The following SLC5A10 variants were observed in gnomAD, a reference collection of about 807,000 sequenced individuals.
SLC5A10 encodes the protein solute carrier family 5 member 10.
In SLC5A10, 55 loss-of-function variants were observed where a neutral mutation model predicts 68.9. That is an observed-to-expected ratio of 0.80 (90% confidence interval 0.64 to 1.00). SLC5A10 has a LOEUF of 1.00. SLC5A10 is among the 50% of genes least tolerant of loss of function. The probability of loss-of-function intolerance (pLI) is 0.00; values close to 1 mark genes in which losing one functional copy is unlikely to be tolerated. For synonymous variants in SLC5A10, 344 were observed against 344.8 expected, an observed-to-expected ratio of 1.00 and a Z score of 0.02; for missense variants, 732 against 819.3, an observed-to-expected ratio of 0.89 and a Z score of 1.30.
At chr17:19,011,805 G>A (rs947069728) in intron 9 of SLC5A10, among the ~76,000 whole-genome samples, 4 of 151,492 alleles carry the variant, frequency 2.6e-5, no homozygotes, top group Non-Finnish European at 5.9e-5. Flanking sequence ...GCCAGGGTAG[G>A]GGGGACTGCC....
At chr17:19,011,356 G>A (rs899543036) in intron 9 of SLC5A10, among the ~76,000 whole-genome samples, 10 of 152,314 alleles carry the variant, frequency 6.6e-5, no homozygotes, top group Middle Eastern at 3.4e-3. Context: ...CGTCTGCAAA[G>A]GCATGGAGGC....
At position 19,014,927 on chromosome 17, in the gene SLC5A10, C is replaced by A. The variant is rs1027266182; in HGVS notation, c.1091-122C>A. ...CCTCCTCAGCTTCTCTCCCTCCCCG[C>A]CCTCTGCCTTGGAGGAGCATGCAAA... is the stretch of plus-strand genomic sequence containing the variant. On this transcript the variant is annotated intron_variant, in intron 10 of 14. Coordinates refer to ENST00000395645, the MANE Select transcript of SLC5A10 (RefSeq NM_001042450.4). 7 of 1,207,872 alleles carry A rather than the reference C, an allele frequency of 5.8e-6. No individual in the cohort carries two copies. In the African/African-American group the frequency reaches 6.1e-5, roughly 10 times the overall value. The allele number at this position is 1,207,872 out of a possible 1,614,324, so 74.8% of individuals were successfully genotyped here. A position where few individuals can be genotyped will look rare whatever the true frequency, so the allele number is the denominator to read the frequency against.
At chr17:18,956,196 A>AAAATAAATAAAT (rs71155382) in intron 1 of SLC5A10, among the ~76,000 whole-genome samples, 2 of 143,782 alleles carry the variant, frequency 1.4e-5, no homozygotes, top group East Asian at 2.0e-4. Context: ...CTCTGTCTCA[A>AAAATAAATAAAT]AAATAAATAA....
chr17:18,984,579 G>C (rs958646403), intron 9 of SLC5A10, among the ~76,000 whole-genome samples: 1 of 152,226 alleles, frequency 6.6e-6, no homozygotes, highest in Non-Finnish European at 1.5e-5. Flanking sequence ...AACGGGAAAC[G>C]GGTCTGGCCT....
chr17:18,984,746 T>C (rs1039807461), intron 9 of SLC5A10, among the ~76,000 whole-genome samples: 1 of 152,194 alleles, frequency 6.6e-6, no homozygotes, highest in African/African-American at 2.4e-5. Flanking sequence ...ACACCCAGTA[T>C]CACCCCCAAA....
At position 19,021,506 on chromosome 17, in the gene SLC5A10, C is replaced by G. The variant is rs978257417; in HGVS notation, c.*1075C>G. On this transcript the variant is annotated 3_prime_UTR_variant, in exon 15 of 15. Coordinates refer to ENST00000395645, the MANE Select transcript of SLC5A10 (RefSeq NM_001042450.4). This position sits in a 1 kb window ranked among gnomAD's most constrained non-coding sequence, Gnocchi z 4.1. ...CGAGGCTGAGCCACCTCCCAACAGC[C>G]TGAACAACTCCAGGGGCCTTTTGAG... The G allele has an allele frequency of 7.5e-6, 2 of 267,978 alleles. No homozygotes were observed. The highest frequency in any genetic ancestry group is 1.4e-5 in the Non-Finnish European group (2 of 143,090). The allele number at this position is 267,978 out of a possible 1,614,324, so 16.6% of individuals were successfully genotyped here. A position where few individuals can be genotyped will look rare whatever the true frequency, so the allele number is the denominator to read the frequency against.
Position 19,020,423 on chromosome 17 carries a change from T to C in SLC5A10, c.1783T>C (p.Phe595Leu), listed in dbSNP as rs565107962. Residue 595 changes from phenylalanine (F) to leucine (L), a missense_variant, in exon 15 of 15, where the codon TTC becomes CTC. Physicochemically the swap from Phe to Leu is conservative, Grantham distance 22. Transcript: ENST00000395645. ...TGTCAACATATTCTTTTATGCCTACTTCGCCTGACACTGCCATCCTGGACA... is the reference window on the plus strand; with the variant it reads ...TGTCAACATATTCTTTTATGCCTACCTCGCCTGACACTGCCATCCTGGACA... ...MCVNIFFYAY[F>L]A 4 of 1,613,614 alleles carry C rather than the reference T, an allele frequency of 2.5e-6. No individual in the cohort carries two copies. The African/African-American group carries it at 4.0e-5, about 16-fold the overall frequency.
chr17:19,001,540 C>T (rs2043729943), intron 9 of SLC5A10, among the ~76,000 whole-genome samples: 1 of 152,246 alleles, frequency 6.6e-6, no homozygotes, highest in Non-Finnish European at 1.5e-5. Flanking sequence ...GGCACCCAAA[C>T]TGGAGACCAG....
intron 9 of SLC5A10, among the ~76,000 whole-genome samples, chr17:19,012,960 C>A (rs2044047343): frequency 6.6e-6 from 1 of 152,162 alleles, no homozygotes; most frequent in Admixed American, 6.5e-5. Flanking sequence ...ACAGACGCGA[C>A]TTGTTGACTT....
intron 8 of SLC5A10, among the ~76,000 whole-genome samples, chr17:18,972,769 G>A (rs556773226): frequency 1.3e-5 from 2 of 152,156 alleles, no homozygotes; most frequent in African/African-American, 4.8e-5. Flanking sequence ...GGCTGAGGCA[G>A]GAGAATGGCG....
At position 18,971,323 on chromosome 17, in the gene SLC5A10, G is replaced by A. The variant is rs768324935; in HGVS notation, c.846+105G>A. ...CTCCGCGTCATGAGTCTGGGCTGGG[G>A]CCTCAGAAGGTGTGGCTCCAGGCTG... On this transcript the variant is annotated intron_variant, in intron 8 of 14. Transcript: ENST00000395645. The surrounding 1 kb of genome is among the most constrained non-coding windows in gnomAD (Gnocchi z 5.5). 5 of 1,606,676 alleles carry A rather than the reference G, an allele frequency of 3.1e-6. No homozygotes were observed. The African/African-American group carries it at 4.0e-5, about 13-fold the overall frequency.
In SLC5A10 at chr17:19,021,782, G is replaced by A. The variant is rs1428659703; in HGVS notation, c.*1351G>A. On this transcript the variant is annotated 3_prime_UTR_variant, in exon 15 of 15. Coordinates refer to ENST00000395645, the MANE Select transcript of SLC5A10 (RefSeq NM_001042450.4). This position sits in a 1 kb window ranked among gnomAD's most constrained non-coding sequence, Gnocchi z 4.1. The stretch of plus-strand genomic sequence containing the variant: ...CTACCCTTGCTGGGTACCCTTGCTG[G>A]GGGACCTGGGCCATCCCAGTTTGTG... 3 of 519,152 alleles carry A rather than the reference G, an allele frequency of 5.8e-6. No homozygotes were observed. The highest frequency in any genetic ancestry group is 9.1e-6 in the Non-Finnish European group (3 of 331,202). 32.2% of individuals were successfully genotyped at this position (519,152 alleles called of 1,614,324 possible). A position where few individuals can be genotyped will look rare whatever the true frequency, so the allele number is the denominator to read the frequency against.
At chr17:18,985,601 C>T (rs551058124) in intron 9 of SLC5A10, among the ~76,000 whole-genome samples, 1 of 152,294 alleles carries the variant, frequency 6.6e-6, no homozygotes, top group East Asian at 1.9e-4. Flanking sequence ...GGCAGGCCCT[C>T]GACAGGGGGT....
intron 9 of SLC5A10, among the ~76,000 whole-genome samples, chr17:18,999,500 C>T (rs900300091): frequency 5.9e-5 from 9 of 152,178 alleles, no homozygotes; most frequent in Admixed American, 3.3e-4. Context: ...CATCTCCGAG[C>T]CCCACCAAGC....
At chr17:18,993,280 G>A (rs1209036594) in intron 9 of SLC5A10, among the ~76,000 whole-genome samples, 2 of 152,070 alleles carry the variant, frequency 1.3e-5, no homozygotes, top group Non-Finnish European at 2.9e-5. Flanking sequence ...GCATCTGCTC[G>A]GACAACTACC....
intron 9 of SLC5A10, chr17:18,978,159 G>C: frequency 6.5e-7 from 1 of 1,531,354 alleles, no homozygotes; most frequent in Non-Finnish European, 8.8e-7. Context: ...TTGGGCACGG[G>C]GGGCAATGGC....
chr17:18,955,409 C>G (rs991529249), intron 1 of SLC5A10, among the ~76,000 whole-genome samples: 3 of 152,188 alleles, frequency 2.0e-5, no homozygotes, highest in Admixed American at 6.5e-5. Context: ...AGAGCTGTTG[C>G]GAGGACTAAG....
intron 9 of SLC5A10, among the ~76,000 whole-genome samples, chr17:19,006,440 T>C (rs979707318): frequency 1.3e-5 from 2 of 150,656 alleles, no homozygotes; most frequent in East Asian, 3.9e-4. Context: ...GGCCTCACTA[T>C]GTTGCTCAGA....
In SLC5A10 at chr17:18,959,210, G is replaced by A; in HGVS notation, c.259G>A (p.Gly87Ser). The A allele has an allele frequency of 1.2e-6, 2 of 1,613,464 alleles. No homozygotes were observed. The highest frequency in any genetic ancestry group is 1.7e-6 in the Non-Finnish European group (2 of 1,179,994). ...ACTGGCGGGCTCAGGCGCGGCAGGA[G>A]GTCTGGCCGTGGCAGGCTTCGAGTG... ...IGLAGSGAAG[G>S]LAVAGFEWNA... Residue 87 changes from glycine (G) to serine (S), a missense_variant, in exon 3 of 15, where the codon GGT becomes AGT. By Grantham distance (56) the Gly-to-Ser change is moderately conservative. Coordinates refer to ENST00000395645, the MANE Select transcript of SLC5A10 (RefSeq NM_001042450.4).
Sources: gnomAD v4.1 joint callset for allele counts (sites outside exome capture counted in the v4.1 genomes callset) on GRCh38, gnomAD v4.1.1 for gene constraint, Gnocchi (gnomAD v3.1) non-coding constraint, MANE v1.5 for transcripts, NCBI Gene and HGNC (gene_info 2026-07-23, HGNC 2026-07-21) for gene names.